GPHN: variants seen among roughly 807,000 people sequenced by gnomAD.
GPHN encodes gephyrin.
In GPHN, 17 loss-of-function variants were observed where a neutral mutation model predicts 95.5. That is an observed-to-expected ratio of 0.18 (90% CI 0.12 to 0.27). The LOEUF is 0.27. GPHN is among the 10% of genes least tolerant of loss of function. The pLI is 1.00. For missense variants in GPHN, 660 were observed against 978.1 expected (o/e 0.67, Z 4.34); for synonymous variants, 320 against 322.5 (o/e 0.99, Z 0.08).
the GPHN span, among the ~76,000 whole-genome samples, chr14:67,638,455 G>A: frequency 3.3e-5 from 5 of 152,228 alleles, no homozygotes; most frequent in East Asian, 3.9e-4. Context: ...TGATATACAC[G>A]TTATCCAATT....
At chr14:67,329,875 TAAA>T in the GPHN span, among the ~76,000 whole-genome samples, 6,761 of 118,426 alleles carry the variant, frequency 0.057, 312 homozygotes, top group African/African-American at 0.18. Context: ...AATAAATAAA[TAAA>T]TAGATATAGA....
At chr14:67,366,915 G>C in the GPHN span, among the ~76,000 whole-genome samples, 1 of 146,008 alleles carries the variant, frequency 6.8e-6, no homozygotes, top group South Asian at 2.1e-4. Context: ...AGGCAGCTAA[G>C]GTTCTAGCAG....
the GPHN span, chr14:67,392,995 GC>G: frequency 2.3e-6 from 2 of 864,664 alleles, no homozygotes; most frequent in African/African-American, 3.3e-5. Flanking sequence ...GCTGCATAGA[GC>G]CGTGGCTGCA....
At chr14:67,186,178 A>T (rs1026545399), downstream of GPHN, among the ~76,000 whole-genome samples, 1 of 152,202 alleles carries the variant, frequency 6.6e-6, no homozygotes, top group African/African-American at 2.4e-5. Flanking sequence ...GCTCCATGTT[A>T]GGCACCGAGA....
At chr14:67,202,877 G>A in the GPHN span, among the ~76,000 whole-genome samples, 2 of 152,190 alleles carry the variant, frequency 1.3e-5, no homozygotes, top group Non-Finnish European at 2.9e-5. Context: ...TACTTAAATT[G>A]TTTAATGTTT....
chr14:67,246,339 G>C, the GPHN span, among the ~76,000 whole-genome samples: 1 of 150,940 alleles, frequency 6.6e-6, no homozygotes, highest in East Asian at 2.0e-4. Context: ...ATGTTGCCCA[G>C]ACTGTATTAT....
At chr14:67,106,779 C>T (rs188897026) in intron 13 of GPHN, among the ~76,000 whole-genome samples, 85 of 152,110 alleles carry the variant, frequency 5.6e-4, no homozygotes, top group African/African-American at 2.0e-3. Context: ...AATTGAGTTT[C>T]CTTAAGATCA....
At chr14:67,734,404 C>A in the GPHN span, 1 of 155,012 alleles carries the variant, frequency 6.5e-6, no homozygotes, top group Non-Finnish European at 1.4e-5. Flanking sequence ...GTAAAGAGTT[C>A]CGTTTGCCTT....
chr14:66,853,172 G>A (rs931919640), intron 4 of GPHN, among the ~76,000 whole-genome samples: 1 of 151,966 alleles, frequency 6.6e-6, no homozygotes, highest in Non-Finnish European at 1.5e-5. Flanking sequence ...TGATTTTATT[G>A]TAGATTTTTA....
At chr14:67,339,138 G>A in the GPHN span, among the ~76,000 whole-genome samples, 4 of 151,928 alleles carry the variant, frequency 2.6e-5, no homozygotes, top group Admixed American at 2.6e-4. Context: ...TGGGAATACA[G>A]GCGCATGCTG....
chr14:66,551,264 T>C (rs1364082823), intron 1 of GPHN: 2 of 152,272 alleles, frequency 1.3e-5, no homozygotes, highest in Non-Finnish European at 2.9e-5. Flanking sequence ...TTATATGCAC[T>C]GGAAAAGCAG....
chr14:66,945,507 C>G (rs187006223), intron 8 of GPHN, among the ~76,000 whole-genome samples: 2 of 152,260 alleles, frequency 1.3e-5, no homozygotes, highest in Non-Finnish European at 2.9e-5. Flanking sequence ...TGATAAAAGA[C>G]TACACACTGT....
intron 8 of GPHN, among the ~76,000 whole-genome samples, chr14:66,961,720 A>G (rs2068912964): frequency 6.6e-6 from 1 of 151,418 alleles, no homozygotes; most frequent in South Asian, 2.1e-4. Flanking sequence ...CAATATTGTT[A>G]CACACCAACC....
chr14:67,627,256 G>GATATATGTATATAT, the GPHN span, among the ~76,000 whole-genome samples: 1 of 133,750 alleles, frequency 7.5e-6, no homozygotes, highest in Non-Finnish European at 1.6e-5. Context: ...TCAGTAAGGA[G>GATATATGTATATAT]ATATATATAT....
chr14:67,375,337 C>T, the GPHN span, among the ~76,000 whole-genome samples: 4 of 151,342 alleles, frequency 2.6e-5, no homozygotes, highest in Non-Finnish European at 2.9e-5. Context: ...CTTACTGCAA[C>T]CACCTCCTCC....
At chr14:67,404,399 G>A in the GPHN span, among the ~76,000 whole-genome samples, 2 of 151,826 alleles carry the variant, frequency 1.3e-5, no homozygotes, top group African/African-American at 2.4e-5. Context: ...GAGGCAGGAG[G>A]ATTGCCCACG....
At chr14:67,034,774 A>G (rs943906683) in intron 10 of GPHN, among the ~76,000 whole-genome samples, 5 of 152,114 alleles carry the variant, frequency 3.3e-5, no homozygotes, top group Non-Finnish European at 7.4e-5. Context: ...AGAGCACCCA[A>G]ATATAAGAAG....
intron 12 of GPHN, among the ~76,000 whole-genome samples, chr14:67,090,046 T>C (rs1194030441): frequency 6.6e-6 from 1 of 152,192 alleles, no homozygotes; most frequent in South Asian, 2.1e-4. Context: ...GTAGTGAGAC[T>C]TAAAATCTAC....
intron 9 of GPHN, among the ~76,000 whole-genome samples, chr14:66,975,953 C>T (rs940228176): frequency 6.6e-6 from 1 of 152,062 alleles, no homozygotes; most frequent in African/African-American, 2.4e-5. Flanking sequence ...ATTAAATAAC[C>T]TCTAAAGTCC....
Sources: allele counts gnomAD v4.1 joint callset (sites outside exome capture counted in the v4.1 genomes callset), GRCh38; gene constraint gnomAD v4.1.1; transcripts MANE v1.5; gene names NCBI Gene and HGNC (gene_info 2026-07-23, HGNC 2026-07-21).